INSL6: variants seen among roughly 807,000 people sequenced by gnomAD.
INSL6 encodes the protein insulin-like peptide INSL6.
A neutral mutation model predicts 9.4 loss-of-function variants in INSL6; 16 were observed. That is an observed-to-expected ratio of 1.70 (90% CI 1.15 to 2.59). The LOEUF is 2.59. Among genes scored for constraint, INSL6 ranks in the 30% most tolerant of loss-of-function variants. INSL6 has a pLI of 0.00. For synonymous variants in INSL6, 154 were observed against 96.9 expected (o/e 1.59, Z -3.46); for missense variants, 391 against 257.3 (o/e 1.52, Z -3.56).
Position 5,126,726 on chromosome 9 carries a change from C to G in INSL6, c.*11-2215G>C, listed in dbSNP as rs748829715. The G allele has an allele frequency of 2.5e-6, 4 of 1,611,048 alleles. No homozygotes were observed. Among genetic ancestry groups the G allele is most frequent in the Non-Finnish European group, 3.4e-6 (4 of 1,177,792 alleles). The stretch of plus-strand genomic sequence containing the variant: ...AGAATGCTGGAACAATAATGTAAAT[C>G]AACGCCCCTCCTTTAGGGATCTAGC... On this transcript the variant is annotated intron_variant, in intron 3 of 3. Coordinates refer to the INSL6 transcript ENST00000649639.
At chr9:5,051,381 T>A in the INSL6 span, among the ~76,000 whole-genome samples, 1 of 152,170 alleles carries the variant, frequency 6.6e-6, no homozygotes, top group Non-Finnish European at 1.5e-5. Flanking sequence ...ATGACCTGAA[T>A]AAGTATTTCC....
At chr9:5,065,411 C>G in the INSL6 span, among the ~76,000 whole-genome samples, 1 of 152,134 alleles carries the variant, frequency 6.6e-6, no homozygotes, top group Non-Finnish European at 1.5e-5. Context: ...TAGTCCATCT[C>G]CTTCTACTGA....
At chr9:5,015,528 T>TTTTTC in the INSL6 span, among the ~76,000 whole-genome samples, 1 of 80,348 alleles carries the variant, frequency 1.2e-5, no homozygotes, top group Admixed American at 1.2e-4. Context: ...ATTCTTTTTC[T>TTTTTC]TTTTCTTTTC....
intron 2 of INSL6, among the ~76,000 whole-genome samples, chr9:5,146,447 G>A (rs960143898): frequency 6.6e-6 from 1 of 152,218 alleles, no homozygotes; most frequent in Non-Finnish European, 1.5e-5. Flanking sequence ...CCTGGAGACT[G>A]TGTGCACTGC....
At chr9:5,037,769 C>A in the INSL6 span, among the ~76,000 whole-genome samples, 3 of 152,076 alleles carry the variant, frequency 2.0e-5, no homozygotes, top group Non-Finnish European at 4.4e-5. Flanking sequence ...TGACGAGTTA[C>A]TGGGTGCAGC....
the INSL6 span, among the ~76,000 whole-genome samples, chr9:5,026,142 T>C: frequency 5.6e-4 from 86 of 152,360 alleles, no homozygotes; most frequent in African/African-American, 2.0e-3. Context: ...TGTCTTCTAC[T>C]ATATTGAGTT....
the INSL6 span, chr9:5,097,470 C>T: frequency 6.6e-6 from 1 of 152,142 alleles, no homozygotes; most frequent in African/African-American, 2.4e-5. Context: ...GGTATATGGG[C>T]ATAGTATGAG....
At chr9:5,096,747 A>T in the INSL6 span, 1 of 152,132 alleles carries the variant, frequency 6.6e-6, no homozygotes, top group Non-Finnish European at 1.5e-5. Flanking sequence ...ATGAGTGGGG[A>T]TAGTGGGTAC....
At chr9:5,130,520 G>C (rs990413539) in intron 3 of INSL6, among the ~76,000 whole-genome samples, 1 of 152,060 alleles carries the variant, frequency 6.6e-6, no homozygotes, top group African/African-American at 2.4e-5. Flanking sequence ...AAAACACAAA[G>C]TGTGAAATGG....
chr9:5,040,484 T>A, the INSL6 span, among the ~76,000 whole-genome samples: 1 of 152,190 alleles, frequency 6.6e-6, no homozygotes, highest in African/African-American at 2.4e-5. Flanking sequence ...CATCTGTGTG[T>A]CAAAGCACAC....
At chr9:5,089,457 G>C in the INSL6 span, among the ~76,000 whole-genome samples, 1 of 144,646 alleles carries the variant, frequency 6.9e-6, no homozygotes, top group Non-Finnish European at 1.5e-5. Context: ...AGAATGGTGT[G>C]AACCCAGGGG....
the INSL6 span, among the ~76,000 whole-genome samples, chr9:5,105,936 G>GT: frequency 7.9e-5 from 12 of 152,322 alleles, no homozygotes; most frequent in South Asian, 2.3e-3. Flanking sequence ...AGACTTAAAT[G>GT]TTAGACTTAA....
At chr9:5,133,476 C>G (rs545975657) in exon 3 of INSL6, 2 of 153,396 alleles carry the variant, frequency 1.3e-5, no homozygotes, top group African/African-American at 4.8e-5. Flanking sequence ...GGGTGCCCCT[C>G]TGGGATGAAG....
the INSL6 span, among the ~76,000 whole-genome samples, chr9:5,050,247 T>C: frequency 2.0e-5 from 3 of 152,230 alleles, no homozygotes; most frequent in African/African-American, 7.2e-5. Context: ...TTATTAAAAT[T>C]GTATCGCAAA....
intron 3 of INSL6, chr9:5,127,982 A>C (rs1249638025): frequency 8.6e-6 from 2 of 231,548 alleles, no homozygotes; most frequent in Non-Finnish European, 1.7e-5. Flanking sequence ...ATACATCTTA[A>C]ATCTTTTCAA....
the INSL6 span, among the ~76,000 whole-genome samples, chr9:5,088,766 AC>A: frequency 6.6e-6 from 1 of 152,200 alleles, no homozygotes; most frequent in Non-Finnish European, 1.5e-5. Flanking sequence ...CTGTGTCCTC[AC>A]ATGGGAGAGA....
At chr9:5,079,053 C>T in the INSL6 span, among the ~76,000 whole-genome samples, 2 of 152,110 alleles carry the variant, frequency 1.3e-5, no homozygotes, top group Non-Finnish European at 2.9e-5. Context: ...CTAAATTGAT[C>T]AATTTTTGTG....
the INSL6 span, chr9:5,085,521 C>A: frequency 1.4e-6 from 1 of 717,404 alleles, no homozygotes; most frequent in Non-Finnish European, 2.6e-6. Flanking sequence ...ATTCACCACA[C>A]ACCAAATCTT....
the INSL6 span, chr9:5,109,997 C>A: frequency 1.3e-5 from 2 of 152,172 alleles, no homozygotes; most frequent in African/African-American, 4.8e-5. Context: ...ATCGCATCGG[C>A]GACATTGGTT....
Sources: allele counts gnomAD v4.1 joint callset (sites outside exome capture counted in the v4.1 genomes callset), GRCh38; gene constraint gnomAD v4.1.1; transcripts MANE v1.5; gene names NCBI Gene and HGNC (gene_info 2026-07-23, HGNC 2026-07-21).